SCARB2: variants seen among roughly 807,000 people sequenced by gnomAD.
SCARB2 encodes the protein scavenger receptor class B member 2, also known as lysosome membrane protein 2.
A neutral mutation model predicts 58.6 loss-of-function variants in SCARB2; 29 were observed. That is an observed-to-expected ratio of 0.49 (90% CI 0.37 to 0.67). SCARB2 has a LOEUF of 0.67. Among genes scored for constraint, SCARB2 ranks in the 30% least tolerant of loss-of-function variants. SCARB2 has a pLI of 0.00. For synonymous variants in SCARB2, 195 were observed against 210.1 expected (o/e 0.93, Z 0.62); for missense variants, 488 against 578.5 (o/e 0.84, Z 1.60).
At chr4:76,176,258 A>G (rs751031800) in intron 5 of SCARB2, 179 bp downstream of exon 5, 7 of 614,726 alleles carry the variant, frequency 1.1e-5, no homozygotes, top group Non-Finnish European at 2.0e-5. Flanking sequence ...ACTAATATTT[A>G]ATCTGTAAGA....
Position 76,195,726 on chromosome 4 carries a change from C to A in SCARB2, c.256G>T (p.Val86Leu). ...ACTTACCTGTAGGTGTATGGCCCCA[C>A]TTCTTCCACCCGAGGGGTCTCCCCT... Reference protein sequence around the residue: ...LRGETPRVEEVGPYTYRELRN... With the variant: ...LRGETPRVEELGPYTYRELRN... Residue 86 changes from valine to leucine, a missense_variant, in exon 2 of 12, where the codon GTG (valine) becomes TTG (leucine). Coordinates refer to ENST00000264896, the MANE Select transcript of SCARB2 (RefSeq NM_005506.4). The A allele has an allele frequency of 1.2e-6, 2 of 1,614,052 alleles. No homozygotes were observed. Among genetic ancestry groups the A allele is most frequent in the Non-Finnish European group, 1.7e-6 (2 of 1,179,940 alleles).
Position 76,219,311 on chromosome 4 carries a change from G to A in SCARB2, c.-358+14992C>T, listed in dbSNP as rs188693863. ...GAGCCAGGAAGGAGTTGCCAGTCCGGTGGCCAAAAATATACTTTGCAATAT... is the reference window on the plus strand; with the variant it reads ...GAGCCAGGAAGGAGTTGCCAGTCCGATGGCCAAAAATATACTTTGCAATAT... On this transcript the variant is annotated intron_variant, in intron 1 of 11. Coordinates refer to the SCARB2 transcript ENST00000638295. Among the ~76,000 whole-genome samples, 521 of 152,282 alleles carry A rather than the reference G, an allele frequency of 3.4e-3. 5 individuals are homozygous for A. Among genetic ancestry groups the A allele is most frequent in the Admixed American group, 6.0e-3 (92 of 15,288 alleles).
intron 2 of SCARB2, among the ~76,000 whole-genome samples, chr4:76,182,535 A>AG (rs1462450999): frequency 6.6e-6 from 1 of 152,254 alleles, no homozygotes; most frequent in Non-Finnish European, 1.5e-5. Context: ...TCTATTGAAC[A>AG]GAGCTAATTT....
chr4:76,169,771 A>C (rs1207299974), intron 8 of SCARB2, 96 bp downstream of exon 8: 1 of 1,000,476 alleles, frequency 1.0e-6, no homozygotes. Context: ...TATGAAAGTA[A>C]GGATATTTTT....
At position 76,161,456 on chromosome 4, in the gene SCARB2, T is replaced by C; in HGVS notation, c.*257A>G. 1 of 532,352 alleles carries C rather than the reference T, an allele frequency of 1.9e-6. No homozygotes were observed. The highest frequency in any genetic ancestry group is 3.4e-6 in the Non-Finnish European group (1 of 296,242). 33.0% of individuals were successfully genotyped at this position (532,352 alleles called of 1,614,324 possible). On this transcript the variant is annotated 3_prime_UTR_variant, in exon 12 of 12. Coordinates refer to ENST00000264896, the MANE Select transcript of SCARB2 (RefSeq NM_005506.4). Reference sequence around the variant, plus strand: ...CAGCACCCAACAACAACAAAATTACTATACAAGGGTTTATTAAATACTTGC... The same window carrying C: ...CAGCACCCAACAACAACAAAATTACCATACAAGGGTTTATTAAATACTTGC...
chr4:76,165,145 A>G (rs1731975594), intron 10 of SCARB2: 1 of 152,182 alleles, frequency 6.6e-6, no homozygotes, highest in Admixed American at 6.5e-5. Context: ...TGCATTTTCA[A>G]AAAGATCTTT....
intron 1 of SCARB2, among the ~76,000 whole-genome samples, chr4:76,209,684 G>A (rs1171012074): frequency 1.3e-5 from 2 of 152,194 alleles, no homozygotes; most frequent in African/African-American, 4.8e-5. Flanking sequence ...TACTTCTTGA[G>A]GAATCGGTAG....
At chr4:76,170,365 G>T (rs1732102339) in intron 7 of SCARB2, among the ~76,000 whole-genome samples, 1 of 152,288 alleles carries the variant, frequency 6.6e-6, no homozygotes, top group South Asian at 2.1e-4. Context: ...GAGGTTCATA[G>T]AAGTTACAAA....
At chr4:76,162,192 ATAAAGTC>A in intron 11 of SCARB2, 2 of 179,976 alleles carry the variant, frequency 1.1e-5, no homozygotes, top group Non-Finnish European at 2.4e-5. Flanking sequence ...CAATGACTGC[ATAAAGTC>A]ACACTGGAAG....
intron 4 of SCARB2, among the ~76,000 whole-genome samples, chr4:76,177,782 ATATAT>A (rs1297579733): frequency 6.6e-6 from 1 of 152,224 alleles, no homozygotes; most frequent in African/African-American, 2.4e-5. Flanking sequence ...ACAGAAGGGC[ATATAT>A]TATATGACTC....
intron 2 of SCARB2, among the ~76,000 whole-genome samples, chr4:76,186,999 T>G (rs998801605): frequency 6.6e-6 from 1 of 151,786 alleles, no homozygotes; most frequent in Non-Finnish European, 1.5e-5. Context: ...TGTTGTCTCT[T>G]TATGTTAAAA....
At chr4:76,165,351 G>A (rs565984363) in intron 10 of SCARB2, 44 of 152,150 alleles carry the variant, frequency 2.9e-4, no homozygotes, top group African/African-American at 1.0e-3. Context: ...ATATAAAATT[G>A]TATCTATCGT....
At chr4:76,227,188 A>G (rs1003143882) in intron 1 of SCARB2, among the ~76,000 whole-genome samples, 7 of 152,160 alleles carry the variant, frequency 4.6e-5, no homozygotes, top group African/African-American at 1.7e-4. Context: ...TCTTAGCACC[A>G]CTTTTGCTGT....
At chr4:76,216,048 T>G (rs950703028), upstream of SCARB2, among the ~76,000 whole-genome samples, 3 of 152,244 alleles carry the variant, frequency 2.0e-5, no homozygotes, top group Middle Eastern at 6.8e-3. Context: ...TGTGTTCAAA[T>G]AGAACCTGGT....
Position 76,213,696 on chromosome 4 carries a change from C to CCTG in SCARB2, c.-154_-153insCAG. On this transcript the variant is annotated 5_prime_UTR_variant, in exon 1 of 12. Coordinates refer to ENST00000264896, the MANE Select transcript of SCARB2 (RefSeq NM_005506.4). ...CACGGTTCGTGCGCGCAGCTCTGGG[C>CCTG]TCCGCGGCCTGGCGAGCGCGGCCCC... 2 of 574,892 alleles carry CCTG rather than the reference C, an allele frequency of 3.5e-6. No individual in the cohort carries two copies. The highest frequency in any genetic ancestry group is 2.2e-5 in the South Asian group (1 of 45,488). 35.6% of individuals were successfully genotyped at this position (574,892 alleles called of 1,614,324 possible).
At chr4:76,180,795 A>T in intron 3 of SCARB2, 159 bp downstream of exon 3, 1 of 516,698 alleles carries the variant, frequency 1.9e-6, no homozygotes, top group Non-Finnish European at 3.2e-6. Context: ...AAAAAGTCCA[A>T]GATGTACTTT....
At chr4:76,230,321 C>T (rs1596116) in intron 1 of SCARB2, among the ~76,000 whole-genome samples, 22,792 of 152,100 alleles carry the variant, frequency 0.15, 2,037 homozygotes, top group East Asian at 0.35. Flanking sequence ...ATAGGCCTAA[C>T]TCAACTCCCA....
At chr4:76,169,067 G>C (rs1444636587) in intron 8 of SCARB2, among the ~76,000 whole-genome samples, 1 of 152,210 alleles carries the variant, frequency 6.6e-6, no homozygotes, top group African/African-American at 2.4e-5. Context: ...GAACTGATCA[G>C]CTGATGGCTA....
At chr4:76,198,086 C>A (rs979042871) in intron 1 of SCARB2, among the ~76,000 whole-genome samples, 1 of 152,106 alleles carries the variant, frequency 6.6e-6, no homozygotes, top group Non-Finnish European at 1.5e-5. Flanking sequence ...CAGGAGCAGC[C>A]GCCCCCACTC....
Sources: allele counts gnomAD v4.1 joint callset (sites outside exome capture counted in the v4.1 genomes callset), GRCh38; gene constraint gnomAD v4.1.1; transcripts MANE v1.5; gene names NCBI Gene and HGNC (gene_info 2026-07-23, HGNC 2026-07-21).